Variants in DSCAM observed in about 807,000 individuals in gnomAD.
The protein encoded by DSCAM is DS cell adhesion molecule.
A neutral mutation model predicts 217.7 loss-of-function variants in DSCAM; 47 were observed. The ratio of observed to expected loss-of-function variants is 0.22; its 90% CI spans 0.17 to 0.28. The LOEUF (loss-of-function observed/expected upper bound fraction) is 0.28. DSCAM is among the 10% of genes least tolerant of loss of function. The probability of loss-of-function intolerance (pLI) is 1.00; values close to 1 mark genes in which losing one functional copy is unlikely to be tolerated. For synonymous variants in DSCAM, 1,056 were observed against 1,015.3 expected, an observed-to-expected ratio of 1.04 and a Z score of -0.76; for missense variants, 2,080 against 2,618.3, an observed-to-expected ratio of 0.79 and a Z score of 4.49.
At chr21:40,449,316 G>C (rs1041958443) in intron 3 of DSCAM, among the ~76,000 whole-genome samples, 5 of 152,120 alleles carry the variant, frequency 3.3e-5, no homozygotes, top group African/African-American at 1.2e-4. Context: ...GGCATCTTTG[G>C]TGGGGGAGCA....
intron 6 of DSCAM, among the ~76,000 whole-genome samples, chr21:40,340,036 G>A (rs1464872443): frequency 6.6e-6 from 1 of 152,112 alleles, no homozygotes; most frequent in Non-Finnish European, 1.5e-5. Flanking sequence ...TGAAGTCTCT[G>A]AGAATGGGTA....
chr21:40,706,937 C>A (rs2090724355), intron 2 of DSCAM, among the ~76,000 whole-genome samples: 1 of 152,088 alleles, frequency 6.6e-6, no homozygotes, highest in Admixed American at 6.6e-5. Context: ...TCAAGAACGC[C>A]AGCACATAAA....
At chr21:40,378,654 C>T (rs1228252621) in intron 3 of DSCAM, among the ~76,000 whole-genome samples, 5 of 138,928 alleles carry the variant, frequency 3.6e-5, no homozygotes, top group African/African-American at 1.3e-4. Flanking sequence ...TGCAGTGGCG[C>T]GATCTCGGCT....
intron 3 of DSCAM, among the ~76,000 whole-genome samples, chr21:40,502,870 G>A (rs1240967376): frequency 2.6e-5 from 4 of 152,032 alleles, no homozygotes; most frequent in Non-Finnish European, 5.9e-5. Flanking sequence ...ATATATATTA[G>A]TAATAATTTG....
chr21:40,326,057 AAATT>A (rs2074313610), intron 8 of DSCAM, among the ~76,000 whole-genome samples: 2 of 152,238 alleles, frequency 1.3e-5, no homozygotes, highest in South Asian at 4.1e-4. Flanking sequence ...GGATGCCAGA[AAATT>A]AATTTAAAAT....
intron 3 of DSCAM, among the ~76,000 whole-genome samples, chr21:40,625,908 T>C (rs550071172): frequency 6.6e-6 from 1 of 152,306 alleles, no homozygotes; most frequent in East Asian, 1.9e-4. Context: ...GGAAACCCTA[T>C]TCACCTATGT....
chr21:40,211,282 T>TTTG (rs761870688), intron 11 of DSCAM, among the ~76,000 whole-genome samples: 84 of 152,260 alleles, frequency 5.5e-4, no homozygotes, highest in African/African-American at 1.8e-3. Context: ...AAACATTCAT[T>TTTG]TTGTTGTTGT....
At chr21:40,762,996 G>A (rs2091350597) in intron 1 of DSCAM, among the ~76,000 whole-genome samples, 1 of 152,114 alleles carries the variant, frequency 6.6e-6, no homozygotes, top group African/African-American at 2.4e-5. Context: ...ATACTGAATG[G>A]GCAAAAGCTG....
At chr21:40,698,275 A>C (rs893812308) in intron 2 of DSCAM, among the ~76,000 whole-genome samples, 1 of 152,218 alleles carries the variant, frequency 6.6e-6, no homozygotes, top group Non-Finnish European at 1.5e-5. Context: ...TGCAGATGTA[A>C]CAAATTGCAT....
intron 1 of DSCAM, among the ~76,000 whole-genome samples, chr21:40,735,308 G>A (rs2091051987): frequency 6.6e-6 from 1 of 152,198 alleles, no homozygotes; most frequent in Non-Finnish European, 1.5e-5. Context: ...GAGCAGGCAA[G>A]TAGCAAGGAG....
At chr21:40,670,363 T>A (rs1338102415) in intron 3 of DSCAM, among the ~76,000 whole-genome samples, 1 of 99,826 alleles carries the variant, frequency 1.0e-5, no homozygotes, top group Non-Finnish European at 2.1e-5. Context: ...TGGTGAAGCC[T>A]CATCTCTACT....
chr21:40,467,660 T>A (rs763755178), intron 3 of DSCAM, among the ~76,000 whole-genome samples: 5 of 152,164 alleles, frequency 3.3e-5, no homozygotes, highest in Non-Finnish European at 7.4e-5. Flanking sequence ...TGTTAAAATA[T>A]GGAATATTGT....
chr21:40,413,192 G>A (rs1348570103), intron 3 of DSCAM, among the ~76,000 whole-genome samples: 1 of 152,214 alleles, frequency 6.6e-6, no homozygotes, highest in Admixed American at 6.5e-5. Flanking sequence ...AGGGAAATGT[G>A]GGGTCAGAGT....
chr21:40,045,955 A>T (rs2088835656), intron 30 of DSCAM, among the ~76,000 whole-genome samples: 1 of 152,222 alleles, frequency 6.6e-6, no homozygotes, highest in African/African-American at 2.4e-5. Context: ...GAATTCATAG[A>T]CCTAGGGTCA....
At chr21:40,048,387 T>G (rs1414428441) in intron 30 of DSCAM, among the ~76,000 whole-genome samples, 1 of 152,154 alleles carries the variant, frequency 6.6e-6, no homozygotes, top group African/African-American at 2.4e-5. Flanking sequence ...AGGACATGGA[T>G]AGAGTCCTAG....
intron 11 of DSCAM, among the ~76,000 whole-genome samples, chr21:40,229,899 A>G (rs79069355): frequency 0.013 from 2,005 of 152,286 alleles, 58 homozygotes; most frequent in African/African-American, 0.046. Context: ...ACAACACTGT[A>G]TTTAGTTTTG....
intron 20 of DSCAM, among the ~76,000 whole-genome samples, chr21:40,110,064 G>C (rs2089875452): frequency 6.6e-6 from 1 of 152,236 alleles, no homozygotes; most frequent in African/African-American, 2.4e-5. Context: ...GCTTTGAAGA[G>C]AGTAGTGGTT....
At chr21:40,642,210 G>A (rs1028176499) in intron 3 of DSCAM, among the ~76,000 whole-genome samples, 16 of 152,122 alleles carry the variant, frequency 1.1e-4, no homozygotes, top group Non-Finnish European at 1.9e-4. Flanking sequence ...ACACAGAGAT[G>A]AAGACTTCAA....
intron 3 of DSCAM, among the ~76,000 whole-genome samples, chr21:40,460,646 G>C (rs1187876734): frequency 2.6e-5 from 4 of 152,146 alleles, no homozygotes; most frequent in African/African-American, 9.7e-5. Flanking sequence ...AAACATGATG[G>C]ATGAGGGACA....
Sources: gnomAD v4.1 joint callset for allele counts (sites outside exome capture counted in the v4.1 genomes callset) on GRCh38, gnomAD v4.1.1 for gene constraint, MANE v1.5 for transcripts, NCBI Gene and HGNC (gene_info 2026-07-23, HGNC 2026-07-21) for gene names.